Variants in CFAP46 observed in about 807,000 individuals in gnomAD.
CFAP46 encodes cilia and flagella associated protein 46, also known as cilia- and flagella-associated protein 46.
Under a neutral mutation model 325.7 loss-of-function variants are expected in CFAP46, and 245 were observed. That is an observed-to-expected ratio of 0.75 (90% CI 0.68 to 0.84). The LOEUF (loss-of-function observed/expected upper bound fraction) is 0.84. Ranked by LOEUF, CFAP46 falls within the 40% of genes least tolerant of loss-of-function variation. The pLI, the probability that CFAP46 is intolerant of heterozygous loss-of-function variation, is 0.00. For missense variants in CFAP46, 3,346 were observed against 3,543.0 expected (o/e 0.94, Z 1.41); for synonymous variants, 1,523 against 1,495.9 (o/e 1.02, Z -0.42).
intron 50 of CFAP46, among the ~76,000 whole-genome samples, chr10:132,819,211 G>C (rs1847752017): frequency 6.6e-6 from 1 of 152,190 alleles, no homozygotes; most frequent in Admixed American, 6.5e-5. Flanking sequence ...TGAGAGATCT[G>C]TGCCTTGGAA....
Position 132,827,641 on chromosome 10 carries a change from C to T in CFAP46, c.7117+5717G>A, listed in dbSNP as rs1307838222. Among the ~76,000 whole-genome samples, 3 of 152,182 alleles carry T rather than the reference C, an allele frequency of 2.0e-5. No individual in the cohort carries two copies. The East Asian group carries it at 5.8e-4, about 30-fold the overall frequency. On this transcript the variant is annotated intron_variant, in intron 50 of 57. Coordinates refer to ENST00000368586, the MANE Select transcript of CFAP46 (RefSeq NM_001200049.3). This position sits in a 1 kb window ranked among gnomAD's most constrained non-coding sequence, Gnocchi z 5.7. ...AGCTGCCTGCATTTAAAGTGAGCAACGTGACGGGACTGGACGCTGCACGCC... is the reference window on the plus strand; with the variant it reads ...AGCTGCCTGCATTTAAAGTGAGCAATGTGACGGGACTGGACGCTGCACGCC...
Position 132,822,570 on chromosome 10 carries a change from T to C in CFAP46, c.7118-7656A>G, listed in dbSNP as rs368451968. ...GTGCTGTGTGTGCGCTGATGTGTGC[T>C]GTGTGTGTGCTGTGTGCTGTGTGAG... On this transcript the variant is annotated intron_variant, in intron 50 of 57. Transcript: ENST00000368586. 6.0e-3 allele frequency among the ~76,000 whole-genome samples: 778 copies of C among 129,426 alleles called. 3 individuals carry two copies. Among genetic ancestry groups the C allele is most frequent in the South Asian group, 0.015 (54 of 3,506 alleles). 84.9% of individuals were successfully genotyped at this position (129,426 alleles called of 152,430 possible). A position where few individuals can be genotyped will look rare whatever the true frequency, so the allele number is the denominator to read the frequency against.
At chr10:132,914,984 C>T (rs895058553) in intron 17 of CFAP46, among the ~76,000 whole-genome samples, 6 of 152,258 alleles carry the variant, frequency 3.9e-5, no homozygotes, top group Admixed American at 2.0e-4. Flanking sequence ...TCACACCGAG[C>T]GCAGGGCAGT....
chr10:132,893,305 C>T (rs2135449298), intron 24 of CFAP46, among the ~76,000 whole-genome samples: 1 of 152,360 alleles, frequency 6.6e-6, no homozygotes, highest in East Asian at 1.9e-4. Flanking sequence ...CGCTGGAAGT[C>T]AGCCAATGTA....
chr10:132,933,557 G>A (rs1373160539), intron 8 of CFAP46, among the ~76,000 whole-genome samples: 2 of 152,206 alleles, frequency 1.3e-5, no homozygotes, highest in Non-Finnish European at 2.9e-5. Context: ...ATGTACACAT[G>A]CACTCATACC....
At chr10:132,920,470 C>T (rs550812873) in intron 13 of CFAP46, among the ~76,000 whole-genome samples, 131 of 152,320 alleles carry the variant, frequency 8.6e-4, no homozygotes, top group Non-Finnish European at 1.6e-3. Context: ...GCTCTGCTGG[C>T]TGCGCTGTCC....
At chr10:132,809,082 G>A (rs1384903724) in intron 57 of CFAP46, among the ~76,000 whole-genome samples, 178 bp from the exon 58 acceptor site, 1 of 151,096 alleles carries the variant, frequency 6.6e-6, no homozygotes, top group Non-Finnish European at 1.5e-5. Context: ...CTCCCGCACC[G>A]AGGTGTCCAG....
chr10:132,851,135 G>T lies in CFAP46; in HGVS notation c.5745C>A (p.Asp1915Glu), dbSNP rs1221989947. ...LLADYLQNTS[D>E]YTSVGLQWFT... The stretch of plus-strand genomic sequence containing the variant: ...CAATTACCAGGCCGACGGAAGTGTA[G>T]TCACTGGTGTTCTGCAGATAGTCCG... Residue 1915 changes from aspartate to glutamate, a missense_variant, in exon 40 of 58, where the codon GAC becomes GAA. Coordinates refer to ENST00000368586, the MANE Select transcript of CFAP46 (RefSeq NM_001200049.3). 6 of 1,613,964 alleles carry T rather than the reference G, an allele frequency of 3.7e-6. No homozygotes were observed. Among genetic ancestry groups the T allele is most frequent in the Non-Finnish European group, 5.1e-6 (6 of 1,180,006 alleles).
chr10:132,937,920 G>C (rs937854293), intron 5 of CFAP46, among the ~76,000 whole-genome samples: 1 of 152,210 alleles, frequency 6.6e-6, no homozygotes, highest in African/African-American at 2.4e-5. Flanking sequence ...ATTCTTCAAA[G>C]GTTCCCCAAA....
chr10:132,902,330 C>A (rs1849402914), intron 22 of CFAP46, among the ~76,000 whole-genome samples: 1 of 112,214 alleles, frequency 8.9e-6, no homozygotes, highest in South Asian at 2.3e-4. Context: ...CATTTAGTTT[C>A]TCCGTTTTTC....
chr10:132,847,147 C>T lies in CFAP46; in HGVS notation c.6088-36G>A, dbSNP rs375168895. On this transcript the variant is annotated intron_variant, in intron 42 of 57. Coordinates refer to ENST00000368586, the MANE Select transcript of CFAP46 (RefSeq NM_001200049.3). The surrounding 1 kb of genome is among the most constrained non-coding windows in gnomAD (Gnocchi z 5.2). ...CAAGGCTCAGGCTCAGGCCAGGCTC[C>T]GGGCAGAGGCCACACGAGGGGCAGG... 4.9e-5 allele frequency: 78 copies of T among 1,608,076 alleles called. No homozygotes were observed. The highest frequency in any genetic ancestry group is 2.5e-4 in the African/African-American group (19 of 75,036).
intron 22 of CFAP46, 47 bp from the exon 23 acceptor site, chr10:132,899,713 T>C: frequency 6.6e-7 from 1 of 1,522,628 alleles, no homozygotes; most frequent in Non-Finnish European, 8.8e-7. Context: ...TGGCCCACCT[T>C]GGGTCCTCCC....
At chr10:132,822,715 GTGC>G (rs1460831797) in intron 50 of CFAP46, among the ~76,000 whole-genome samples, 4 of 143,634 alleles carry the variant, frequency 2.8e-5, no homozygotes, top group East Asian at 4.3e-4. Context: ...GTGCTGATGT[GTGC>G]TGATGTGTGC....
At position 132,833,524 on chromosome 10, in the gene CFAP46, G is replaced by T. The variant is rs1303941799; in HGVS notation, c.6951C>A (p.Ser2317Arg). The T allele has an allele frequency of 1.2e-6, 2 of 1,613,376 alleles. No individual in the cohort carries two copies. The highest frequency in any genetic ancestry group is 1.7e-6 in the Non-Finnish European group (2 of 1,179,450). ...KERKTSTGQH[S>R]TVQPEVADKI... ...TATCGGCAACCTCAGGCTGGACTGTGCCTGGGAAACAGCAGTGCAGGGAGA... is the reference window on the plus strand; with the variant it reads ...TATCGGCAACCTCAGGCTGGACTGTTCCTGGGAAACAGCAGTGCAGGGAGA... Residue 2317 changes from serine (S) to arginine (R), a missense_variant and splice_region_variant, in exon 50 of 58, where the codon AGC (serine) becomes AGA (arginine). Ser to Arg is a moderately radical substitution (Grantham distance 110). Coordinates refer to ENST00000368586, the MANE Select transcript of CFAP46 (RefSeq NM_001200049.3).
intron 44 of CFAP46, among the ~76,000 whole-genome samples, chr10:132,843,562 AG>A (rs1848380057): frequency 7.4e-6 from 1 of 135,626 alleles, no homozygotes; most frequent in South Asian, 2.5e-4. Flanking sequence ...GGGTGTTCCC[AG>A]GGTGCCATGG....
Position 132,918,489 on chromosome 10 carries a change from C to G in CFAP46, c.1890G>C (p.Val630=). The change falls in exon 16 of 58, where the codon GTG becomes GTC. Residue 630 remains valine, a synonymous_variant. Coordinates refer to ENST00000368586, the MANE Select transcript of CFAP46 (RefSeq NM_001200049.3). ...CCTCAGGCTGGCTCCAGGTGTCCTG[C>G]ACCGAGCCGTCCCTACCTCGCTTCT... ...GKKKRGRDGS[V]QDTWSQPEVV... is the part of the protein sequence containing the mutation. 1 of 1,538,420 alleles carries G rather than the reference C, an allele frequency of 6.5e-7. No homozygotes were observed. Among genetic ancestry groups the G allele is most frequent in the South Asian group, 1.2e-5 (1 of 83,710 alleles).
chr10:132,809,028 C>A (rs1389945958), intron 57 of CFAP46, 124 bp from the exon 58 acceptor site: 1 of 1,009,712 alleles, frequency 9.9e-7, no homozygotes, highest in Non-Finnish European at 1.4e-6. Flanking sequence ...GGGGAACACA[C>A]TGCCATTCGC....
chr10:132,843,456 G>A (rs562119296), intron 44 of CFAP46, among the ~76,000 whole-genome samples: 112 of 136,254 alleles, frequency 8.2e-4, no homozygotes, highest in Non-Finnish European at 1.5e-3. Flanking sequence ...GGCGTTCCCA[G>A]GGTGCTGTAG....
rs142805512 is a variant in CFAP46, at chr10:132,846,154, G to A, written c.6341C>T (p.Ala2114Val). ...ATANTSSSQL[A>V]ALLQLQHQLR... ...CTGGTGCTGTAGCTGCAGCAGGGCC[G>A]CCAGCTGTGAGCTGCTGGTGTTGGC... Residue 2114 changes from alanine to valine, a missense_variant, in exon 44 of 58, where the codon GCG becomes GTG. Transcript: ENST00000368586. The A allele has an allele frequency of 1.4e-5, 23 of 1,611,040 alleles. No individual in the cohort carries two copies. Among genetic ancestry groups the A allele is most frequent in the South Asian group, 5.5e-5 (5 of 90,752 alleles).
Sources: gnomAD v4.1 joint callset for allele counts (sites outside exome capture counted in the v4.1 genomes callset) on GRCh38, gnomAD v4.1.1 for gene constraint, Gnocchi (gnomAD v3.1) non-coding constraint, MANE v1.5 for transcripts, NCBI Gene and HGNC (gene_info 2026-07-23, HGNC 2026-07-21) for gene names.